ANO3: variants seen among roughly 807,000 people sequenced by gnomAD.
ANO3 encodes the protein anoctamin-3.
ANO3 carries 99 observed loss-of-function variants against 144.8 expected under a neutral mutation model. That is an observed-to-expected ratio of 0.68 (90% CI 0.58 to 0.81). ANO3 has a LOEUF of 0.81. ANO3 is among the 30% of genes least tolerant of loss of function. ANO3 has a pLI of 0.00. For synonymous variants in ANO3, 414 were observed against 392.6 expected (o/e 1.05, Z -0.64); for missense variants, 905 against 1,202.2 (o/e 0.75, Z 3.66).
chr11:26,384,340 A>G lies in ANO3; in HGVS notation c.46+52019A>G, dbSNP rs571165540. On this transcript the variant is annotated intron_variant, in intron 1 of 26. Coordinates refer to ENST00000256737, the MANE Select transcript of ANO3 (RefSeq NM_031418.4). ...AGACCCTGGAAAATGCAAACAGACA[A>G]GTAGTAGTTAACTTTAGACATAAGA... 2.0e-5 allele frequency among the ~76,000 whole-genome samples: 3 copies of G among 152,280 alleles called. No homozygotes were observed. The South Asian group carries it at 6.2e-4, about 32-fold the overall frequency.
At chr11:26,463,870 C>G (rs143293920) in intron 4 of ANO3, among the ~76,000 whole-genome samples, 1 of 151,316 alleles carries the variant, frequency 6.6e-6, no homozygotes, top group South Asian at 2.1e-4. Flanking sequence ...ATGATTTTCA[C>G]GACAAATCCT....
At chr11:26,536,599 G>T (rs531574180) in intron 9 of ANO3, among the ~76,000 whole-genome samples, 1 of 151,648 alleles carries the variant, frequency 6.6e-6, no homozygotes, top group South Asian at 2.1e-4. Flanking sequence ...ATGTCTTAGC[G>T]TTTATAATTT....
intron 1 of ANO3, among the ~76,000 whole-genome samples, chr11:26,218,686 A>G (rs1373659461): frequency 6.6e-6 from 1 of 152,200 alleles, no homozygotes; most frequent in African/African-American, 2.4e-5. Flanking sequence ...TGATGTGCAG[A>G]TCTTTTAAAA....
intron 1 of ANO3, among the ~76,000 whole-genome samples, chr11:26,343,899 C>A (rs1402517674): frequency 6.6e-6 from 1 of 152,140 alleles, no homozygotes; most frequent in Non-Finnish European, 1.5e-5. Flanking sequence ...TTTTCTGATA[C>A]TTTTTCTGAT....
At chr11:26,322,830 G>T (rs909054335) in intron 1 of ANO3, among the ~76,000 whole-genome samples, 2 of 152,004 alleles carry the variant, frequency 1.3e-5, no homozygotes, top group African/African-American at 4.8e-5. Flanking sequence ...CTCATACTAA[G>T]GAATAGGGAG....
At chr11:26,561,678 T>A (rs1850299827) in intron 14 of ANO3, among the ~76,000 whole-genome samples, 1 of 151,970 alleles carries the variant, frequency 6.6e-6, no homozygotes, top group African/African-American at 2.4e-5. Context: ...GCTAAACCAT[T>A]TAAGGTGGAG....
At chr11:26,293,627 A>G (rs1377934535) in intron 1 of ANO3, among the ~76,000 whole-genome samples, 2 of 147,344 alleles carry the variant, frequency 1.4e-5, no homozygotes, top group African/African-American at 5.0e-5. Context: ...AAATCCATTA[A>G]AACGCAAAGA....
rs1041878443 is a variant in ANO3 at position 26,332,215 on chromosome 11, A to G, written c.-61A>G. 122 of 1,613,960 alleles carry G rather than the reference A, an allele frequency of 7.6e-5. No individual in the cohort carries two copies. Among genetic ancestry groups the G allele is most frequent in the Admixed American group, 1.2e-4 (7 of 60,012 alleles). ...ACCTTGGAGCGTCTAGAGTCTGGCT[A>G]CTGTTCCTCCGCCTCCCTCTCGGGC... On this transcript the variant is annotated 5_prime_UTR_variant, in exon 1 of 27. Coordinates refer to ENST00000256737, the MANE Select transcript of ANO3 (RefSeq NM_031418.4).
intron 1 of ANO3, among the ~76,000 whole-genome samples, chr11:26,300,018 AGT>A (rs1854188325): frequency 6.6e-6 from 1 of 152,066 alleles, no homozygotes; most frequent in Non-Finnish European, 1.5e-5. Context: ...CTTCTAGGAG[AGT>A]GGGAGAATAG....
At position 26,513,872 on chromosome 11, in the gene ANO3, A is replaced by G. The variant is rs866855190; in HGVS notation, c.592-2955A>G. ...TTTGAGTCTAGACTCATTCATCTTCATGAAGGTCACTCCTCCAGCCTCTGG... is the reference window on the plus strand; with the variant it reads ...TTTGAGTCTAGACTCATTCATCTTCGTGAAGGTCACTCCTCCAGCCTCTGG... On this transcript the variant is annotated intron_variant, in intron 5 of 26. Coordinates refer to ENST00000256737, the MANE Select transcript of ANO3 (RefSeq NM_031418.4). Among the ~76,000 whole-genome samples, 3 of 152,062 alleles carry G rather than the reference A, an allele frequency of 2.0e-5. No individual in the cohort carries two copies. In the South Asian group the frequency reaches 6.2e-4, roughly 31 times the overall value.
intron 1 of ANO3, among the ~76,000 whole-genome samples, chr11:26,374,897 C>A (rs574874297): frequency 6.6e-6 from 1 of 152,260 alleles, no homozygotes; most frequent in African/African-American, 2.4e-5. Context: ...GTGCACACCA[C>A]CATGCCTGGT....
intron 1 of ANO3, among the ~76,000 whole-genome samples, chr11:26,394,247 G>C (rs913262134): frequency 1.3e-5 from 2 of 151,972 alleles, no homozygotes; most frequent in African/African-American, 4.8e-5. Flanking sequence ...ATACTCACAG[G>C]AGATGATTTG....
At chr11:26,375,504 A>C (rs1424167421) in intron 1 of ANO3, among the ~76,000 whole-genome samples, 1 of 152,198 alleles carries the variant, frequency 6.6e-6, no homozygotes, top group Non-Finnish European at 1.5e-5. Context: ...GCGAAATGGA[A>C]TGTTTACAAG....
intron 1 of ANO3, among the ~76,000 whole-genome samples, chr11:26,269,497 TG>T (rs1445836506): frequency 1.3e-5 from 2 of 152,134 alleles, no homozygotes; most frequent in Non-Finnish European, 2.9e-5. Context: ...CGTTACTCCA[TG>T]GGGGAAAATA....
intron 1 of ANO3, among the ~76,000 whole-genome samples, chr11:26,195,704 T>C (rs996389078): frequency 6.6e-6 from 1 of 152,192 alleles, no homozygotes; most frequent in African/African-American, 2.4e-5. Flanking sequence ...ATTCTCTATA[T>C]CCTGAATTGT....
chr11:26,399,305 A>G (rs1197018799), intron 1 of ANO3, among the ~76,000 whole-genome samples: 1 of 151,880 alleles, frequency 6.6e-6, no homozygotes, highest in Non-Finnish European at 1.5e-5. Flanking sequence ...ACGGGGAAGG[A>G]TGGGGCTTTC....
At chr11:26,504,740 C>G (rs555518932) in intron 4 of ANO3, among the ~76,000 whole-genome samples, 1 of 151,684 alleles carries the variant, frequency 6.6e-6, no homozygotes, top group South Asian at 2.1e-4. Context: ...AAGGTAGAAG[C>G]CCGCCGGGCG....
intron 7 of ANO3, among the ~76,000 whole-genome samples, chr11:26,530,482 TATCTATCTATCTATCTATC>T (rs751074926): frequency 0.067 from 4,458 of 66,446 alleles, 101 homozygotes; most frequent in South Asian, 0.1. Context: ...TCTATCTATC[TATCTATCTATCTATCTATC>T]ATCTATCTAT....
chr11:26,634,166 C>A, intron 18 of ANO3, 38 bp from the exon 19 acceptor site: 1 of 1,307,518 alleles, frequency 7.6e-7, no homozygotes, highest in Non-Finnish European at 1.1e-6. Flanking sequence ...ATATTCACCT[C>A]ACCTCACCTG....
Sources: gnomAD v4.1 joint callset for allele counts (sites outside exome capture counted in the v4.1 genomes callset) on GRCh38, gnomAD v4.1.1 for gene constraint, MANE v1.5 for transcripts, NCBI Gene and HGNC (gene_info 2026-07-23, HGNC 2026-07-21) for gene names.